Variants in TTC23 observed in about 807,000 individuals in gnomAD.
The protein encoded by TTC23 is tetratricopeptide repeat protein 23.
Under a neutral mutation model 55.1 loss-of-function variants are expected in TTC23, and 58 were observed. The ratio of observed to expected loss-of-function variants is 1.05; its 90% CI spans 0.85 to 1.31. The LOEUF (loss-of-function observed/expected upper bound fraction) is 1.31. Among genes scored for constraint, TTC23 ranks in the 50% most tolerant of loss-of-function variants. The probability of loss-of-function intolerance (pLI) is 0.00; values close to 1 mark genes in which losing one functional copy is unlikely to be tolerated. For missense variants in TTC23, 516 were observed against 534.4 expected (o/e 0.97, Z 0.34); for synonymous variants, 203 against 199.9 (o/e 1.02, Z -0.13).
chr15:99,246,968 C>A (rs541102688), intron 1 of TTC23, among the ~76,000 whole-genome samples: 1 of 151,948 alleles, frequency 6.6e-6, no homozygotes, highest in Non-Finnish European at 1.5e-5. Flanking sequence ...AAAAAACAAT[C>A]AGTAACAAGA....
chr15:99,228,832 A>ATGG, intron 4 of TTC23, 100 bp from the exon 5 acceptor site: 2 of 988,068 alleles, frequency 2.0e-6, no homozygotes, highest in Non-Finnish European at 2.9e-6. Context: ...CTTTGAAATT[A>ATGG]GTAGCATTAT....
chr15:99,171,958 A>C (rs1338550162), intron 10 of TTC23, among the ~76,000 whole-genome samples: 1 of 151,810 alleles, frequency 6.6e-6, no homozygotes. Flanking sequence ...TAAAACTATC[A>C]GTCCCAACTC....
upstream of TTC23, among the ~76,000 whole-genome samples, chr15:99,250,695 A>G (rs2080659383): frequency 1.3e-5 from 2 of 152,176 alleles, no homozygotes; most frequent in Admixed American, 6.5e-5. Context: ...ATACATATTG[A>G]CGGCCTACTC....
intron 9 of TTC23, among the ~76,000 whole-genome samples, chr15:99,181,232 T>C (rs1201713487): frequency 6.6e-6 from 1 of 152,180 alleles, no homozygotes; most frequent in African/African-American, 2.4e-5. Context: ...AGAAAGATGA[T>C]TTTCTAATCA....
intron 12 of TTC23, chr15:99,145,403 G>A (rs1237183384): frequency 2.0e-5 from 3 of 152,192 alleles, no homozygotes; most frequent in Admixed American, 6.5e-5. Context: ...AGAAGACGAC[G>A]GGGCTATGAA....
intron 9 of TTC23, among the ~76,000 whole-genome samples, chr15:99,190,384 T>C (rs2075144563): frequency 6.6e-6 from 1 of 151,772 alleles, no homozygotes; most frequent in South Asian, 2.1e-4. Context: ...GCGATTCTCC[T>C]GCCTCAGCCT....
chr15:99,233,843 T>G (rs907636505), intron 4 of TTC23, among the ~76,000 whole-genome samples: 16 of 152,188 alleles, frequency 1.1e-4, no homozygotes, highest in Non-Finnish European at 1.9e-4. Context: ...AGACAAGCAA[T>G]GGAACAGAAT....
In TTC23 at chr15:99,200,073, G is replaced by C; in HGVS notation, c.605C>G (p.Ser202Ter). ...FAQVYQGQKK[S>*]KEALSHYQAA... is the part of the protein sequence containing the mutation. ...TTGATAGTGGGACAAAGCTTCTTTTGACTTCTTCTGACCTTGATACACCCT... is the reference window on the plus strand; with the variant it reads ...TTGATAGTGGGACAAAGCTTCTTTTCACTTCTTCTGACCTTGATACACCCT... Residue 202 changes from serine to a stop codon, truncating the protein, a stop_gained, in exon 9 of 14, where the codon TCA becomes TGA. Coordinates refer to ENST00000394132, the MANE Select transcript of TTC23 (RefSeq NM_001288615.3). LOFTEE classifies it high-confidence loss of function. The C allele has an allele frequency of 6.2e-7, 1 of 1,611,094 alleles. No homozygotes were observed. Among genetic ancestry groups the C allele is most frequent in the Non-Finnish European group, 8.5e-7 (1 of 1,178,486 alleles).
chr15:99,233,691 A>G (rs535334750), intron 4 of TTC23, among the ~76,000 whole-genome samples: 1 of 152,316 alleles, frequency 6.6e-6, no homozygotes, highest in African/African-American at 2.4e-5. Flanking sequence ...ACAAGACAAG[A>G]AGGTTCACTC....
At chr15:99,175,275 G>T in intron 9 of TTC23, 120 bp from the exon 10 acceptor site, 1 of 761,478 alleles carries the variant, frequency 1.3e-6, no homozygotes, top group Non-Finnish European at 2.1e-6. Flanking sequence ...TAGAAGAAAT[G>T]ATTTATGTGG....
At chr15:99,182,485 CTGAGT>C (rs1180408494) in intron 9 of TTC23, among the ~76,000 whole-genome samples, 1 of 152,162 alleles carries the variant, frequency 6.6e-6, no homozygotes, top group Non-Finnish European at 1.5e-5. Flanking sequence ...CATGTTTCTA[CTGAGT>C]TGTCTTTTTT....
chr15:99,183,497 ATTTTTTT>A lies in TTC23; in HGVS notation c.760-8349_760-8343del, dbSNP rs56660145. Among the ~76,000 whole-genome samples the A allele has an allele frequency of 3.7e-4, 37 of 100,842 alleles. 1 individual carries two copies. The highest frequency in any genetic ancestry group is 1.3e-3 in the African/African-American group (34 of 26,506). 66.2% of individuals were successfully genotyped at this position (100,842 alleles called of 152,430 possible). A position where few individuals can be genotyped will look rare whatever the true frequency, so the allele number is the denominator to read the frequency against. ...CCACCACGCCCAGCTGATTTTTTGTATTTTTTTTTTTTTTTTTTTTTTTTAGTAGATA... is the reference window on the plus strand; with the variant it reads ...CCACCACGCCCAGCTGATTTTTTGTATTTTTTTTTTTTTTTTTAGTAGATA... On this transcript the variant is annotated intron_variant, in intron 9 of 13. Transcript: ENST00000394132.
intron 10 of TTC23, among the ~76,000 whole-genome samples, chr15:99,174,478 T>C (rs201070560): frequency 7.1e-6 from 1 of 141,002 alleles, no homozygotes; most frequent in Non-Finnish European, 1.6e-5. Flanking sequence ...AAAAAAAAAA[T>C]CATTAGTACT....
At chr15:99,143,841 A>G (rs1212473195) in intron 12 of TTC23, among the ~76,000 whole-genome samples, 1 of 152,128 alleles carries the variant, frequency 6.6e-6, no homozygotes, top group East Asian at 1.9e-4. Context: ...GCCTTGCACA[A>G]CCCCTGGCAC....
At chr15:99,143,699 A>G (rs997191397) in intron 12 of TTC23, among the ~76,000 whole-genome samples, 1 of 152,214 alleles carries the variant, frequency 6.6e-6, no homozygotes, top group East Asian at 1.9e-4. Context: ...TGTTTCTACT[A>G]TTCCTTAAAT....
intron 12 of TTC23, among the ~76,000 whole-genome samples, chr15:99,152,099 C>T (rs1485864118): frequency 6.6e-6 from 1 of 152,184 alleles, no homozygotes; most frequent in Admixed American, 6.5e-5. Flanking sequence ...AATGTTTAAG[C>T]ACTATCCTCT....
At chr15:99,155,589 G>A (rs2070428208) in intron 12 of TTC23, 1 of 152,532 alleles carries the variant, frequency 6.6e-6, no homozygotes, top group African/African-American at 2.4e-5. Context: ...ATTGACACAT[G>A]AATAAACAGA....
intron 4 of TTC23, among the ~76,000 whole-genome samples, chr15:99,233,654 C>T (rs1387862495): frequency 6.6e-6 from 1 of 152,172 alleles, no homozygotes; most frequent in Non-Finnish European, 1.5e-5. Context: ...CAGTGAAAGA[C>T]TGAATGCTTT....
chr15:99,222,726 G>C (rs1046518684), intron 5 of TTC23, among the ~76,000 whole-genome samples: 3 of 152,234 alleles, frequency 2.0e-5, no homozygotes, highest in Admixed American at 1.3e-4. Context: ...GGCTGGGCGT[G>C]GTGGCTCAAA....
Sources: allele counts gnomAD v4.1 joint callset (sites outside exome capture counted in the v4.1 genomes callset), GRCh38; gene constraint gnomAD v4.1.1; transcripts MANE v1.5; gene names NCBI Gene and HGNC (gene_info 2026-07-23, HGNC 2026-07-21).